Variants in BMPR1B observed in about 807,000 individuals in gnomAD.
The protein encoded by BMPR1B is bone morphogenetic protein receptor type-1B.
In BMPR1B, 12 loss-of-function variants were observed where a neutral mutation model predicts 59.1. That is an observed-to-expected ratio of 0.20 (90% CI 0.13 to 0.33). The LOEUF is 0.33. BMPR1B is among the 10% of genes least tolerant of loss of function. The probability of loss-of-function intolerance (pLI) is 1.00; values close to 1 mark genes in which losing one functional copy is unlikely to be tolerated. For synonymous variants in BMPR1B, 237 were observed against 207.3 expected (o/e 1.14, Z -1.23); for missense variants, 550 against 610.9 (o/e 0.90, Z 1.05).
intron 2 of BMPR1B, among the ~76,000 whole-genome samples, chr4:94,967,194 C>T (rs1037945820): frequency 6.6e-6 from 1 of 151,996 alleles, no homozygotes; most frequent in Non-Finnish European, 1.5e-5. Context: ...TATAAGAAAG[C>T]CTTTGTAAAC....
chr4:94,906,731 G>A lies in BMPR1B; in HGVS notation c.-113+30831G>A, dbSNP rs189549405. On this transcript the variant is annotated intron_variant, in intron 2 of 12. Coordinates refer to ENST00000515059, the MANE Select transcript of BMPR1B (RefSeq NM_001203.3). The stretch of plus-strand genomic sequence containing the variant: ...TGATAGATTGTTGAAGTAAACACTT[G>A]AAGACAATCATATATTTAGGGTAGT... Among the ~76,000 whole-genome samples the A allele has an allele frequency of 3.4e-3, 523 of 152,104 alleles. 3 individuals are homozygous for A. The highest frequency in any genetic ancestry group is 7.4e-3 in the African/African-American group (308 of 41,512).
chr4:94,780,230 A>C (rs1722538484), intron 1 of BMPR1B, among the ~76,000 whole-genome samples: 1 of 152,152 alleles, frequency 6.6e-6, no homozygotes, highest in Non-Finnish European at 1.5e-5. Flanking sequence ...CTGTCTCTAT[A>C]AACTTGTCTA....
chr4:95,070,608 T>C (rs1728208217), intron 3 of BMPR1B, among the ~76,000 whole-genome samples: 1 of 152,096 alleles, frequency 6.6e-6, no homozygotes. Context: ...AAGGATACTG[T>C]AGGGTAAACT....
chr4:94,994,291 A>G (rs551922047), intron 2 of BMPR1B, among the ~76,000 whole-genome samples: 2 of 152,162 alleles, frequency 1.3e-5, no homozygotes, highest in Non-Finnish European at 2.9e-5. Flanking sequence ...TCTAAGCTCC[A>G]GCAAGAAAGA....
At chr4:95,089,673 T>C (rs2149246674) in intron 3 of BMPR1B, among the ~76,000 whole-genome samples, 1 of 152,212 alleles carries the variant, frequency 6.6e-6, no homozygotes, top group African/African-American at 2.4e-5. Context: ...ATGCCCAGAT[T>C]GAAGATAACA....
At chr4:94,774,916 G>A (rs1383350748) in intron 1 of BMPR1B, among the ~76,000 whole-genome samples, 3 of 151,934 alleles carry the variant, frequency 2.0e-5, no homozygotes, top group Non-Finnish European at 2.9e-5. Context: ...TCATAATGGC[G>A]GAAATTTTCA....
chr4:94,809,518 A>C (rs1723734165), intron 1 of BMPR1B, among the ~76,000 whole-genome samples: 1 of 152,212 alleles, frequency 6.6e-6, no homozygotes, highest in Non-Finnish European at 1.5e-5. Context: ...GATTATGCCA[A>C]CTGTTGATCA....
chr4:95,085,523 A>G (rs182328572), intron 3 of BMPR1B, among the ~76,000 whole-genome samples: 338 of 152,252 alleles, frequency 2.2e-3, no homozygotes, highest in South Asian at 5.8e-3. Flanking sequence ...TCAAAAAGAC[A>G]TTCTGCACAT....
intron 1 of BMPR1B, among the ~76,000 whole-genome samples, chr4:94,837,030 G>T (rs367814630): frequency 2.1e-5 from 3 of 143,306 alleles, no homozygotes; most frequent in African/African-American, 5.2e-5. Flanking sequence ...TTTCCCCATT[G>T]CTTGTTTTTC....
chr4:94,822,999 A>G (rs1724258359), intron 1 of BMPR1B, among the ~76,000 whole-genome samples: 1 of 152,208 alleles, frequency 6.6e-6, no homozygotes, highest in Non-Finnish European at 1.5e-5. Flanking sequence ...CCTGGTTAAA[A>G]AGTATTAATG....
chr4:95,010,170 A>G (rs1045496057), intron 3 of BMPR1B, among the ~76,000 whole-genome samples: 1 of 152,178 alleles, frequency 6.6e-6, no homozygotes, highest in Admixed American at 6.5e-5. Flanking sequence ...CAGGGTAAAG[A>G]TGGGTACTTT....
chr4:94,991,739 C>T (rs1545329), intron 2 of BMPR1B, among the ~76,000 whole-genome samples: 145,493 of 152,234 alleles, frequency 0.96, 69,558 homozygotes, highest in Middle Eastern at 0.99. Context: ...TATGGACCAT[C>T]AAAAGGACTT....
At chr4:94,958,986 C>T (rs1015379763) in intron 2 of BMPR1B, among the ~76,000 whole-genome samples, 5 of 151,972 alleles carry the variant, frequency 3.3e-5, no homozygotes, top group East Asian at 1.9e-4. Context: ...GTTGGAAACA[C>T]GAGGAAGCTG....
intron 1 of BMPR1B, among the ~76,000 whole-genome samples, chr4:94,810,996 G>A (rs1365378132): frequency 6.6e-6 from 1 of 152,156 alleles, no homozygotes; most frequent in Non-Finnish European, 1.5e-5. Flanking sequence ...TTGATTCCCT[G>A]TGAAATGGAA....
At chr4:95,105,974 A>G (rs915037782) in intron 4 of BMPR1B, among the ~76,000 whole-genome samples, 1 of 151,998 alleles carries the variant, frequency 6.6e-6, no homozygotes, top group Non-Finnish European at 1.5e-5. Flanking sequence ...TGTCCTGGTG[A>G]TCAGGATTTT....
chr4:94,923,461 A>G (rs1185404319), intron 2 of BMPR1B, among the ~76,000 whole-genome samples: 2 of 152,140 alleles, frequency 1.3e-5, no homozygotes, highest in Non-Finnish European at 2.9e-5. Flanking sequence ...GGTGAGGTGT[A>G]TCTGGTTTAG....
chr4:95,135,506 C>T (rs1733706883), intron 10 of BMPR1B, among the ~76,000 whole-genome samples: 1 of 152,124 alleles, frequency 6.6e-6, no homozygotes, highest in Non-Finnish European at 1.5e-5. Flanking sequence ...ATGGAAAGTT[C>T]TTCTATTAGT....
intron 1 of BMPR1B, among the ~76,000 whole-genome samples, chr4:94,777,042 A>C (rs1460832947): frequency 1.3e-5 from 2 of 152,122 alleles, no homozygotes; most frequent in African/African-American, 4.8e-5. Flanking sequence ...TTAATTAATG[A>C]CTGGAAATAC....
At chr4:94,897,941 CTTTTTTTTTTTT>C (rs869186341) in intron 2 of BMPR1B, among the ~76,000 whole-genome samples, 3 of 90,336 alleles carry the variant, frequency 3.3e-5, no homozygotes, top group South Asian at 3.9e-4. Flanking sequence ...AATTCTTTTC[CTTTTTTTTTTTT>C]TTTTTTTTTT....
Sources: gnomAD v4.1 joint callset for allele counts (sites outside exome capture counted in the v4.1 genomes callset) on GRCh38, gnomAD v4.1.1 for gene constraint, MANE v1.5 for transcripts, NCBI Gene and HGNC (gene_info 2026-07-23, HGNC 2026-07-21) for gene names.